The following PHF21B variants were observed in gnomAD, a reference collection of about 807,000 sequenced individuals.
The protein encoded by PHF21B is PHD finger protein 4.
A neutral mutation model predicts 62.2 loss-of-function variants in PHF21B; 22 were observed. The observed-to-expected ratio is 0.35, with a 90% confidence interval of 0.25 to 0.51. The LOEUF (loss-of-function observed/expected upper bound fraction) is 0.51. PHF21B is among the 20% of genes least tolerant of loss of function. The pLI, the probability that PHF21B is intolerant of heterozygous loss-of-function variation, is 0.97. For synonymous variants in PHF21B, 341 were observed against 314.7 expected, an observed-to-expected ratio of 1.08 and a Z score of -0.88; for missense variants, 701 against 707.9, an observed-to-expected ratio of 0.99 and a Z score of 0.11.
chr22:44,964,564 T>C (rs573346196), intron 2 of PHF21B, among the ~76,000 whole-genome samples: 50 of 152,356 alleles, frequency 3.3e-4, no homozygotes, highest in African/African-American at 1.1e-3. Flanking sequence ...GACCCGATTA[T>C]GCTAATTCCA....
intron 2 of PHF21B, among the ~76,000 whole-genome samples, chr22:44,926,668 T>C (rs1393719464): frequency 1.3e-5 from 2 of 152,190 alleles, no homozygotes; most frequent in Non-Finnish European, 2.9e-5. Context: ...GGACCAAGGG[T>C]TGCCGTGTGG....
intron 5 of PHF21B, among the ~76,000 whole-genome samples, chr22:44,899,193 G>A (rs934510929): frequency 9.9e-5 from 15 of 151,102 alleles, no homozygotes; most frequent in East Asian, 2.0e-4. Context: ...TTGCTGGAAT[G>A]TTAAAATTAT....
intron 2 of PHF21B, among the ~76,000 whole-genome samples, chr22:44,956,765 GGAA>G: frequency 6.6e-6 from 1 of 152,140 alleles, no homozygotes; most frequent in South Asian, 2.1e-4. Flanking sequence ...TTCTGTTTCT[GGAA>G]TCCACTTTGG....
At chr22:44,978,902 G>A (rs1311361232) in intron 2 of PHF21B, among the ~76,000 whole-genome samples, 8 of 152,258 alleles carry the variant, frequency 5.3e-5, no homozygotes, top group Non-Finnish European at 7.4e-5. Context: ...TGCAGCTGCT[G>A]CATCTGGAGA....
In PHF21B at chr22:44,888,018, G is replaced by A. The variant is rs1234257200; in HGVS notation, c.1142C>T (p.Pro381Leu). Residue 381 changes from proline to leucine, a missense_variant, in exon 10 of 13, where the codon CCG (proline) becomes CTG (leucine). Physicochemically the swap from Pro to Leu is moderately conservative, Grantham distance 98 (BLOSUM62 -3). Coordinates refer to ENST00000313237, the MANE Select transcript of PHF21B (RefSeq NM_138415.5). Reference sequence around the variant, plus strand: ...GCCCTTGGGCGCCGTCTTGAGGGGCGGCTCCAGGCAGCTGAGGTGGTAGGC... The same window carrying A: ...GCCCTTGGGCGCCGTCTTGAGGGGCAGCTCCAGGCAGCTGAGGTGGTAGGC... ...PGAYHLSCLEPPLKTAPKGVW... is the reference protein window; with the variant it reads ...PGAYHLSCLELPLKTAPKGVW... The A allele has an allele frequency of 1.1e-4, 169 of 1,567,690 alleles. No homozygotes were observed. The highest frequency in any genetic ancestry group is 1.4e-4 in the Non-Finnish European group (167 of 1,157,208).
chr22:44,883,142 T>C lies in PHF21B; in HGVS notation c.1540A>G (p.Lys514Glu). The C allele has an allele frequency of 1.2e-6, 2 of 1,612,986 alleles. No individual in the cohort carries two copies. Among genetic ancestry groups the C allele is most frequent in the Non-Finnish European group, 1.7e-6 (2 of 1,179,928 alleles). The change falls in exon 13 of 13, where the codon AAG becomes GAG. Residue 514 changes from lysine to glutamate, a missense_variant. Lys to Glu is a moderately conservative substitution (Grantham distance 56). Transcript: ENST00000313237. ...PAPLLAGPWT[K>E]PSVAATHPTV... ...GGGTGTGTGGCTGCCACTGAGGGCTTGGTCCAGGGCCCGGCCAGCAGTGGG... is the reference window on the plus strand; with the variant it reads ...GGGTGTGTGGCTGCCACTGAGGGCTCGGTCCAGGGCCCGGCCAGCAGTGGG...
chr22:44,977,790 T>C (rs1359417468), intron 2 of PHF21B, among the ~76,000 whole-genome samples: 1 of 151,636 alleles, frequency 6.6e-6, no homozygotes, highest in East Asian at 1.9e-4. Flanking sequence ...TTTTACCATG[T>C]TGCCCAGGCT....
rs1411978500 is a variant in PHF21B at position 44,902,078 on chromosome 22, G to A, written c.832-5995C>T. The stretch of plus-strand genomic sequence containing the variant: ...GAGGGCGGTTCTCCTGAAGAGCTGG[G>A]CAGTGGCTGTTACTTGTGTCTGGAC... On this transcript the variant is annotated intron_variant, in intron 5 of 12. Transcript: ENST00000313237. 7 of 217,732 alleles carry A rather than the reference G, an allele frequency of 3.2e-5. No homozygotes were observed. The East Asian group carries it at 9.0e-4, about 28-fold the overall frequency. The allele number at this position is 217,732 out of a possible 1,614,324, so 13.5% of individuals were successfully genotyped here. A position where few individuals can be genotyped will look rare whatever the true frequency, so the allele number is the denominator to read the frequency against.
Position 44,885,419 on chromosome 22 carries a change from G to A in PHF21B, c.1377+7C>T. ...GAGGCCAGCCTCCCCCAGGCCCCGG[G>A]GCACACCTGCACTGCTGACGCCAGC... On this transcript the variant is annotated splice_region_variant and intron_variant, in intron 12 of 12. Transcript: ENST00000313237. 2 of 1,568,824 alleles carry A rather than the reference G, an allele frequency of 1.3e-6. No individual in the cohort carries two copies. Among genetic ancestry groups the A allele is most frequent in the Non-Finnish European group, 1.7e-6 (2 of 1,159,864 alleles).
intron 5 of PHF21B, among the ~76,000 whole-genome samples, chr22:44,899,607 C>G (rs1270347373): frequency 6.6e-6 from 1 of 151,798 alleles, no homozygotes; most frequent in Non-Finnish European, 1.5e-5. Flanking sequence ...TTTTCTTCTC[C>G]TTCTCCTCTT....
chr22:44,913,805 G>A lies in PHF21B; in HGVS notation c.831+17C>T, dbSNP rs200384159. 350 of 1,607,414 alleles carry A rather than the reference G, an allele frequency of 2.2e-4. 2 individuals carry two copies. The African/African-American group carries it at 3.4e-3, about 15-fold the overall frequency. On this transcript the variant is annotated intron_variant, in intron 5 of 12. Transcript: ENST00000313237. ...AGACTGAGCAGGGCCTGGGCCCTCC[G>A]GAGAGGCCTGTCCTACCTCGGGGTT...
intron 2 of PHF21B, among the ~76,000 whole-genome samples, chr22:44,932,306 A>G (rs2071758483): frequency 6.6e-6 from 1 of 152,174 alleles, no homozygotes; most frequent in African/African-American, 2.4e-5. Context: ...GTAAGAGGAA[A>G]AACACAAGTG....
intron 2 of PHF21B, among the ~76,000 whole-genome samples, chr22:44,992,547 G>A (rs962899528): frequency 6.6e-6 from 1 of 152,250 alleles, no homozygotes; most frequent in Non-Finnish European, 1.5e-5. Flanking sequence ...CAGGAGCGGA[G>A]GCGAGGTGTG....
chr22:44,922,207 A>G (rs1462867988), intron 2 of PHF21B, among the ~76,000 whole-genome samples: 1 of 152,250 alleles, frequency 6.6e-6, no homozygotes, highest in African/African-American at 2.4e-5. Context: ...GCCATTTGAA[A>G]GTCAGTCTGT....
chr22:44,910,978 CT>C (rs1331965253), intron 5 of PHF21B, among the ~76,000 whole-genome samples: 1 of 152,186 alleles, frequency 6.6e-6, no homozygotes, highest in South Asian at 2.1e-4. Flanking sequence ...TAAGGTCAGG[CT>C]GAGGTGGTCT....
chr22:44,906,607 G>A (rs865823262), intron 5 of PHF21B, among the ~76,000 whole-genome samples: 5 of 152,252 alleles, frequency 3.3e-5, no homozygotes, highest in Non-Finnish European at 7.3e-5. Context: ...CCTAAGGCAG[G>A]CTGTAGGCCC....
chr22:44,916,660 A>G, intron 3 of PHF21B, 30 bp from the exon 4 acceptor site: 1 of 1,589,152 alleles, frequency 6.3e-7, no homozygotes, highest in East Asian at 2.2e-5. Flanking sequence ...ATGTGGTCAG[A>G]CAGGCAGACA....
At chr22:44,911,897 C>A (rs912039039) in intron 5 of PHF21B, among the ~76,000 whole-genome samples, 29 of 152,310 alleles carry the variant, frequency 1.9e-4, no homozygotes, top group African/African-American at 6.7e-4. Context: ...ACACTCAACA[C>A]CAGCCGGTGA....
At chr22:44,977,289 C>T (rs77364102) in intron 2 of PHF21B, among the ~76,000 whole-genome samples, 9 of 151,778 alleles carry the variant, frequency 5.9e-5, no homozygotes, top group South Asian at 4.2e-4. Context: ...AGGCCAGGCA[C>T]GGTGGTGGCT....
Sources: allele counts gnomAD v4.1 joint callset (sites outside exome capture counted in the v4.1 genomes callset), GRCh38; gene constraint gnomAD v4.1.1; transcripts MANE v1.5; gene names NCBI Gene and HGNC (gene_info 2026-07-23, HGNC 2026-07-21).